ARHGAP24: variants seen among roughly 807,000 people sequenced by gnomAD.
The protein encoded by ARHGAP24 is rho GTPase-activating protein 24.
In ARHGAP24, 50 loss-of-function variants were observed where a neutral mutation model predicts 76.4. The observed-to-expected ratio is 0.65, with a 90% confidence interval of 0.52 to 0.83. The LOEUF is 0.83. ARHGAP24 is among the 40% of genes least tolerant of loss of function. ARHGAP24 has a pLI of 0.00. For synonymous variants in ARHGAP24, 345 were observed against 323.3 expected (o/e 1.07, Z -0.72); for missense variants, 930 against 914.2 (o/e 1.02, Z -0.22).
chr4:85,784,890 A>G (rs1727735820), intron 3 of ARHGAP24, among the ~76,000 whole-genome samples: 1 of 151,720 alleles, frequency 6.6e-6, no homozygotes, highest in South Asian at 2.1e-4. Flanking sequence ...TGGCAATTTG[A>G]AGATGATTAT....
At chr4:85,766,280 A>G (rs1292898918) in intron 3 of ARHGAP24, among the ~76,000 whole-genome samples, 1 of 152,154 alleles carries the variant, frequency 6.6e-6, no homozygotes, top group East Asian at 1.9e-4. Context: ...AGAAGGAGAC[A>G]ATCATAACAA....
Position 85,836,653 on chromosome 4 carries a change from A to G in ARHGAP24, c.269-86995A>G, listed in dbSNP as rs116757286. ...AGATACTGGAGGTTAGGACTTCAAC[A>G]TATCTTTCCTGAGGAACATAATTCA... On this transcript the variant is annotated intron_variant, in intron 3 of 9. Transcript: ENST00000395184. Among the ~76,000 whole-genome samples the G allele has an allele frequency of 1.2e-3, 184 of 152,338 alleles. 1 individual carries two copies. The highest frequency in any genetic ancestry group is 4.2e-3 in the African/African-American group (176 of 41,578).
At chr4:85,822,160 A>G (rs1234181396) in intron 3 of ARHGAP24, among the ~76,000 whole-genome samples, 1 of 152,188 alleles carries the variant, frequency 6.6e-6, no homozygotes, top group Non-Finnish European at 1.5e-5. Context: ...CAATTTAAAA[A>G]GGAAACACAT....
At chr4:85,698,951 A>AC (rs978131435) in intron 2 of ARHGAP24, among the ~76,000 whole-genome samples, 5 of 150,580 alleles carry the variant, frequency 3.3e-5, no homozygotes, top group Admixed American at 2.0e-4. Context: ...TGGTACCACC[A>AC]CCCCCCACTT....
chr4:85,750,004 A>G (rs960815433), intron 3 of ARHGAP24, among the ~76,000 whole-genome samples: 11 of 152,014 alleles, frequency 7.2e-5, no homozygotes, highest in Admixed American at 6.6e-4. Flanking sequence ...GCATCCATCC[A>G]TGACTGCATG....
At chr4:85,890,954 G>A (rs1733853943) in intron 3 of ARHGAP24, among the ~76,000 whole-genome samples, 1 of 152,150 alleles carries the variant, frequency 6.6e-6, no homozygotes, top group South Asian at 2.1e-4. Context: ...TGCAAGTCTA[G>A]GGATCGCCTA....
intron 3 of ARHGAP24, among the ~76,000 whole-genome samples, chr4:85,746,661 G>GC (rs1223886996): frequency 1.3e-5 from 2 of 151,616 alleles, no homozygotes; most frequent in Non-Finnish European, 2.9e-5. Flanking sequence ...GTTGTGTTTT[G>GC]TTTTTTTTAG....
intron 2 of ARHGAP24, among the ~76,000 whole-genome samples, chr4:85,586,072 G>A (rs1444307963): frequency 6.6e-6 from 1 of 152,078 alleles, no homozygotes; most frequent in African/African-American, 2.4e-5. Flanking sequence ...AGGAGCATTT[G>A]CCCCACTCTG....
At chr4:85,591,042 T>G (rs1728082474) in intron 2 of ARHGAP24, among the ~76,000 whole-genome samples, 1 of 133,794 alleles carries the variant, frequency 7.5e-6, no homozygotes, top group Non-Finnish European at 1.6e-5. Flanking sequence ...TTTTTTTTTT[T>G]TTTTTTTTTT....
intron 3 of ARHGAP24, among the ~76,000 whole-genome samples, chr4:85,888,538 C>CTGTT (rs755727622): frequency 3.3e-5 from 5 of 151,920 alleles, no homozygotes; most frequent in East Asian, 1.9e-4. Context: ...AGTTTAAACT[C>CTGTT]TGTTTGTTTG....
chr4:85,930,922 G>A, intron 4 of ARHGAP24: 1 of 1,613,972 alleles, frequency 6.2e-7, no homozygotes, highest in Non-Finnish European at 8.5e-7. Flanking sequence ...AGAACTTCAG[G>A]CCTGTACGAT....
At chr4:85,609,411 C>G (rs1720310498) in intron 2 of ARHGAP24, among the ~76,000 whole-genome samples, 1 of 152,170 alleles carries the variant, frequency 6.6e-6, no homozygotes, top group South Asian at 2.1e-4. Context: ...GAGTATTACT[C>G]TGTTTCAGAA....
At chr4:85,544,395 T>C (rs1414731113) in intron 1 of ARHGAP24, among the ~76,000 whole-genome samples, 1 of 152,194 alleles carries the variant, frequency 6.6e-6, no homozygotes, top group African/African-American at 2.4e-5. Context: ...TTTCTTTACA[T>C]TTTGGAAACC....
intron 3 of ARHGAP24, among the ~76,000 whole-genome samples, chr4:85,794,885 CTT>C (rs1252558754): frequency 6.6e-6 from 1 of 152,220 alleles, no homozygotes; most frequent in Non-Finnish European, 1.5e-5. Context: ...CAGGCACTCT[CTT>C]TTCATCTGCA....
At chr4:85,681,929 A>G (rs1467904866) in intron 2 of ARHGAP24, among the ~76,000 whole-genome samples, 2 of 152,246 alleles carry the variant, frequency 1.3e-5, no homozygotes, top group Non-Finnish European at 2.9e-5. Context: ...TATGGAGCAT[A>G]CATTTAATCC....
At chr4:85,844,956 G>T (rs1389086268) in intron 3 of ARHGAP24, among the ~76,000 whole-genome samples, 1 of 152,176 alleles carries the variant, frequency 6.6e-6, no homozygotes, top group African/African-American at 2.4e-5. Flanking sequence ...ATGTCATGGT[G>T]CATGGCACCA....
intron 3 of ARHGAP24, among the ~76,000 whole-genome samples, chr4:85,767,509 G>C (rs1373844345): frequency 2.0e-5 from 3 of 152,004 alleles, no homozygotes; most frequent in Non-Finnish European, 4.4e-5. Flanking sequence ...GAGGAAGAGG[G>C]GTTGTCTGTA....
At position 85,778,447 on chromosome 4, in the gene ARHGAP24, C is replaced by A. The variant is rs113072385; in HGVS notation, c.268+56475C>A. Among the ~76,000 whole-genome samples the A allele has an allele frequency of 3.0e-3, 462 of 152,144 alleles. 5 individuals are homozygous for A. Among genetic ancestry groups the A allele is most frequent in the African/African-American group, 0.011 (443 of 41,508 alleles). On this transcript the variant is annotated intron_variant, in intron 3 of 9. Coordinates refer to ENST00000395184, the MANE Select transcript of ARHGAP24 (RefSeq NM_001025616.3). ...AAGCATTGAAGCAGGAGTTGTGAAA[C>A]CTGGTTATTTGTTAACTGTGGCACT...
chr4:85,760,742 G>T (rs1384854367), intron 3 of ARHGAP24, among the ~76,000 whole-genome samples: 3 of 152,138 alleles, frequency 2.0e-5, no homozygotes, highest in Admixed American at 2.0e-4. Context: ...GAGCCAAAAG[G>T]CCCGGAGCTT....
Sources: gnomAD v4.1 joint callset for allele counts (sites outside exome capture counted in the v4.1 genomes callset) on GRCh38, gnomAD v4.1.1 for gene constraint, MANE v1.5 for transcripts, NCBI Gene and HGNC (gene_info 2026-07-23, HGNC 2026-07-21) for gene names.